KIF19: variants seen among roughly 807,000 people sequenced by gnomAD.
KIF19 encodes kinesin-like protein KIF19.
In KIF19, 98 loss-of-function variants were observed where a neutral mutation model predicts 106.6. The observed-to-expected ratio is 0.92, with a 90% CI of 0.78 to 1.09. The LOEUF (loss-of-function observed/expected upper bound fraction) is 1.09. Among genes scored for constraint, KIF19 ranks in the 50% least tolerant of loss-of-function variants. The pLI is 0.00. For missense variants in KIF19, 1,373 were observed against 1,414.3 expected (o/e 0.97, Z 0.47); for synonymous variants, 516 against 584.2 (o/e 0.88, Z 1.68).
intron 9 of KIF19, 126 bp downstream of exon 9, chr17:74,348,025 A>C: frequency 8.6e-7 from 1 of 1,159,488 alleles, no homozygotes; most frequent in South Asian, 1.5e-5. Context: ...CTCATTCCCT[A>C]GTTGATCGTC....
Position 74,352,727 on chromosome 17 carries a change from C to T in KIF19, c.1981-94C>T. On this transcript the variant is annotated intron_variant, in intron 14 of 19. Coordinates refer to ENST00000389916, the MANE Select transcript of KIF19 (RefSeq NM_153209.4). ...CTTCTGGGGCTCCCAGGCCATCTTA[C>T]AGCCCTTGTCACCCTGTAAGCCTTT... 4 of 1,492,940 alleles carry T rather than the reference C, an allele frequency of 2.7e-6. No homozygotes were observed. The South Asian group carries it at 4.7e-5, about 18-fold the overall frequency. 92.5% of individuals were successfully genotyped at this position (1,492,940 alleles called of 1,614,324 possible). A position where few individuals can be genotyped will look rare whatever the true frequency, so the allele number is the denominator to read the frequency against.
At position 74,350,744 on chromosome 17, in the gene KIF19, C is replaced by T. The variant is rs769260061; in HGVS notation, c.1426C>T (p.Arg476Trp). The T allele has an allele frequency of 1.9e-5, 31 of 1,613,746 alleles. No individual in the cohort carries two copies. The East Asian group carries it at 2.0e-4, about 10-fold the overall frequency. Residue 476 changes from arginine to tryptophan, a missense_variant, in exon 12 of 20, where the codon CGG becomes TGG. Physicochemically the swap from Arg to Trp is moderately radical, Grantham distance 101. This residue lies in a region of KIF19 where 1,020 missense variants were observed against 1,008.2 expected (regional missense o/e 1.01). Transcript: ENST00000389916. ...GAAGTCCCGCCGGGCCCTCAAATGG[C>T]GGGAGGAGCAGCGAAAGGAGTGCTA... ...HEKSRRALKW[R>W]EEQRKECYAK...
Position 74,341,793 on chromosome 17 carries a change from C to CTTT in KIF19, c.121-82_121-80dup, listed in dbSNP as rs1298548458. 5 of 925,474 alleles carry CTTT rather than the reference C, an allele frequency of 5.4e-6. No homozygotes were observed. In the East Asian group the frequency reaches 1.2e-4, roughly 22 times the overall value. The allele number at this position is 925,474 out of a possible 1,614,324, so 57.3% of individuals were successfully genotyped here. ...TAACTCTGATCGACAAAGGGGTTAA[C>CTTT]TTTGTTAACCTTCCTGAGGGTTGAC... On this transcript the variant is annotated intron_variant, in intron 2 of 19. Transcript: ENST00000389916.
At chr17:74,345,047 C>G in intron 7 of KIF19, 92 bp downstream of exon 7, 5 of 1,241,532 alleles carry the variant, frequency 4.0e-6, no homozygotes, top group Non-Finnish European at 5.6e-6. Context: ...AAGGCCAGCA[C>G]CACAGGAACA....
chr17:74,331,221 G>A lies in KIF19; in HGVS notation c.120+2716G>A, dbSNP rs906769123. On this transcript the variant is annotated intron_variant, in intron 2 of 19. Coordinates refer to ENST00000389916, the MANE Select transcript of KIF19 (RefSeq NM_153209.4). This position sits in a 1 kb window ranked among gnomAD's most constrained non-coding sequence, Gnocchi z 4.1. ...GCCCTGGCCCAGAGGGAGGCTTGGG[G>A]GTCCAGTCCTCGTCAGCTTCTCTGA... Among the ~76,000 whole-genome samples, 1 of 152,140 alleles carries A rather than the reference G, an allele frequency of 6.6e-6. No homozygotes were observed. The highest frequency in any genetic ancestry group is 6.5e-5 in the Admixed American group (1 of 15,278).
chr17:74,332,210 TTGTG>T (rs71157056), intron 2 of KIF19, among the ~76,000 whole-genome samples: 24 of 108,732 alleles, frequency 2.2e-4, no homozygotes, highest in African/African-American at 7.2e-4. Context: ...GTGTGTGTGT[TTGTG>T]TGTGTGTGTG....
intron 2 of KIF19, among the ~76,000 whole-genome samples, chr17:74,338,224 G>A (rs934098219): frequency 4.6e-5 from 7 of 152,248 alleles, no homozygotes; most frequent in South Asian, 2.1e-4. Context: ...GGATGAGAGC[G>A]GGAGCAGCTG....
chr17:74,332,005 A>G (rs2054095357), intron 2 of KIF19, among the ~76,000 whole-genome samples: 1 of 152,292 alleles, frequency 6.6e-6, no homozygotes, highest in East Asian at 1.9e-4. Flanking sequence ...GGCACAGTGC[A>G]TAACACAGTG....
At chr17:74,354,584 G>A (rs367934865) in intron 18 of KIF19, 25 bp downstream of exon 18, 2 of 1,573,278 alleles carry the variant, frequency 1.3e-6, no homozygotes, top group Non-Finnish European at 1.7e-6. Context: ...AGGGGTGGGT[G>A]TCTAGGCACT....
rs1001750786 is a variant in KIF19, at chr17:74,345,023, G to A, written c.777+68G>A. On this transcript the variant is annotated intron_variant, in intron 7 of 19. Transcript: ENST00000389916. ...CCAGGCAACAGCGGAGGGCAGGAAT[G>A]GTGACTCCCATGCAAGGCCAGCACC... 3.5e-6 allele frequency: 5 copies of A among 1,430,284 alleles called. No individual in the cohort carries two copies. In the African/African-American group the frequency reaches 7.0e-5, roughly 20 times the overall value. 88.6% of individuals were successfully genotyped at this position (1,430,284 alleles called of 1,614,324 possible).
intron 4 of KIF19, 21 bp from the exon 5 acceptor site, chr17:74,343,003 C>A (rs939060868): frequency 4.4e-6 from 7 of 1,586,736 alleles, no homozygotes; most frequent in African/African-American, 1.3e-5. Context: ...CCCGGTCACC[C>A]TCCACCTTGT....
chr17:74,352,136 C>T lies in KIF19; in HGVS notation c.1857C>T (p.Asp619=), dbSNP rs773566303. 3.7e-5 allele frequency: 58 copies of T among 1,582,330 alleles called. No individual in the cohort carries two copies. The Admixed American group carries it at 9.0e-4, about 25-fold the overall frequency. ...EIIQGQRQII[D]DYNLAVPQRL... ...TCCAGGGCCAGCGGCAGATCATCGA[C>T]GGTAGGGCCCACGCCCCCGCGCATC... is the stretch of plus-strand genomic sequence containing the variant. Residue 619 remains aspartate (D), a splice_region_variant and synonymous_variant, in exon 13 of 20, where the codon GAC becomes GAT. Coordinates refer to ENST00000389916, the MANE Select transcript of KIF19 (RefSeq NM_153209.4).
intron 9 of KIF19, chr17:74,348,899 T>C: frequency 2.2e-6 from 1 of 459,268 alleles, no homozygotes. Flanking sequence ...GAGTGGGATG[T>C]TCATGCAGGA....
In KIF19 at chr17:74,344,297, G is replaced by A. The variant is rs1249477720; in HGVS notation, c.531G>A (p.Gly177=). 10 of 1,612,902 alleles carry A rather than the reference G, an allele frequency of 6.2e-6. No individual in the cohort carries two copies. The highest frequency in any genetic ancestry group is 8.5e-6 in the Non-Finnish European group (10 of 1,179,816). The stretch of plus-strand genomic sequence containing the variant: ...TGGAGCTGCGGGAGGACTCTAAGGG[G>A]GTGATCCAGGTGGCCGGCATCACCG... ...GYLELREDSK[G]VIQVAGITEV... Residue 177 remains glycine, a synonymous_variant, in exon 6 of 20, where the codon GGG becomes GGA. Coordinates refer to ENST00000389916, the MANE Select transcript of KIF19 (RefSeq NM_153209.4).
chr17:74,332,348 T>A (rs1247664363), intron 2 of KIF19, among the ~76,000 whole-genome samples: 1 of 151,134 alleles, frequency 6.6e-6, no homozygotes, highest in Non-Finnish European at 1.5e-5. Context: ...GTGGGCCTGG[T>A]TTAATTTACC....
At chr17:74,344,990 G>C (rs1279706419) in intron 7 of KIF19, 35 bp downstream of exon 7, 2 of 1,559,182 alleles carry the variant, frequency 1.3e-6, no homozygotes, top group African/African-American at 2.7e-5. Context: ...AGAGGAGGGA[G>C]GGTTGACCCA....
In KIF19 at chr17:74,352,303, C is replaced by A. The variant is rs1306745984; in HGVS notation, c.1943C>A (p.Ala648Asp). The A allele has an allele frequency of 1.2e-6, 2 of 1,611,672 alleles. No homozygotes were observed. Among genetic ancestry groups the A allele is most frequent in the Non-Finnish European group, 1.7e-6 (2 of 1,179,346 alleles). The change falls in exon 14 of 20, where the codon GCC (alanine) becomes GAC (aspartate). Residue 648 changes from alanine to aspartate, a missense_variant. By Grantham distance (126) the Ala-to-Asp change is moderately radical (BLOSUM62 -2). Around this residue, in one of 3 missense-constraint regions of KIF19, gnomAD observed 1,020 missense variants for 1,008.2 expected, o/e 1.01. Coordinates refer to ENST00000389916, the MANE Select transcript of KIF19 (RefSeq NM_153209.4). ...RELEEGSLEQ[A>D]TIMDQVASRA... ...CTGGAGGAGGGCAGCCTGGAGCAGGCCACCATCATGGACCAAGTGGCCTCC... is the reference window on the plus strand; with the variant it reads ...CTGGAGGAGGGCAGCCTGGAGCAGGACACCATCATGGACCAAGTGGCCTCC...
intron 2 of KIF19, among the ~76,000 whole-genome samples, chr17:74,340,504 G>A (rs1020389697): frequency 4.7e-5 from 7 of 150,290 alleles, no homozygotes; most frequent in Non-Finnish European, 5.9e-5. Context: ...GGAAGAACCC[G>A]GCCAGGACCC....
chr17:74,354,416 T>C lies in KIF19; in HGVS notation c.2563T>C (p.Ser855Pro). Reference sequence around the variant, plus strand: ...GTCCAGCAGCACGGGCGAGGCCCCGTCCCGGGCAGTCGGACATCATGGGGA... The same window carrying C: ...GTCCAGCAGCACGGGCGAGGCCCCGCCCCGGGCAGTCGGACATCATGGGGA... ...NLSSSTGEAPSRAVGHHGDGP... is the reference protein window; with the variant it reads ...NLSSSTGEAPPRAVGHHGDGP... The change falls in exon 18 of 20, where the codon TCC becomes CCC. Residue 855 changes from serine (S) to proline (P), a missense_variant. Physicochemically the swap from Ser to Pro is moderately conservative, Grantham distance 74. Around this residue, in one of 3 missense-constraint regions of KIF19, gnomAD observed 1,020 missense variants for 1,008.2 expected, o/e 1.01. Transcript: ENST00000389916. 2 of 1,611,226 alleles carry C rather than the reference T, an allele frequency of 1.2e-6. No homozygotes were observed. Among genetic ancestry groups the C allele is most frequent in the Non-Finnish European group, 1.7e-6 (2 of 1,179,294 alleles).
Sources: gnomAD v4.1 joint callset for allele counts (sites outside exome capture counted in the v4.1 genomes callset) on GRCh38, gnomAD v4.1.1 for gene constraint, gnomAD v4.1.1 regional missense constraint, Gnocchi (gnomAD v3.1) non-coding constraint, MANE v1.5 for transcripts, NCBI Gene and HGNC (gene_info 2026-07-23, HGNC 2026-07-21) for gene names.